JAZF1: variants seen among roughly 807,000 people sequenced by gnomAD.
JAZF1 encodes JAZF zinc finger 1, also known as juxtaposed with another zinc finger protein 1.
Under a neutral mutation model 26.4 loss-of-function variants are expected in JAZF1, and 8 were observed. The ratio of observed to expected loss-of-function variants is 0.30; its 90% CI spans 0.18 to 0.55. The LOEUF (loss-of-function observed/expected upper bound fraction) is 0.55. JAZF1 is among the 20% of genes least tolerant of loss of function. JAZF1 has a pLI of 0.94. For synonymous variants in JAZF1, 126 were observed against 122.3 expected (o/e 1.03, Z -0.20); for missense variants, 199 against 322.0 (o/e 0.62, Z 2.92).
At chr7:27,883,204 G>A (rs990019368) in intron 3 of JAZF1, among the ~76,000 whole-genome samples, 2 of 152,306 alleles carry the variant, frequency 1.3e-5, no homozygotes, top group East Asian at 1.9e-4. Context: ...ACTTTACCTT[G>A]TGATCTTTTT....
chr7:28,036,810 A>G (rs1783302092), intron 1 of JAZF1, among the ~76,000 whole-genome samples: 1 of 152,200 alleles, frequency 6.6e-6, no homozygotes, highest in Admixed American at 6.5e-5. Context: ...TGGAGAAGGT[A>G]GGAAAGTATG....
chr7:28,073,233 G>C (rs2127911506), intron 1 of JAZF1, among the ~76,000 whole-genome samples: 1 of 152,314 alleles, frequency 6.6e-6, no homozygotes, highest in South Asian at 2.1e-4. Context: ...AGTTAGCAGA[G>C]CTCGTTGTGC....
chr7:27,834,223 T>TTG (rs1307616989), intron 4 of JAZF1, among the ~76,000 whole-genome samples: 1 of 152,166 alleles, frequency 6.6e-6, no homozygotes, highest in East Asian at 1.9e-4. Context: ...TGCTAAGTCT[T>TTG]TGTGAGTGAA....
rs796205065 is a variant in JAZF1, at chr7:28,158,145, G to GCA, written c.115+22317_115+22318insTG. On this transcript the variant is annotated intron_variant, in intron 1 of 4. Transcript: ENST00000283928. ...AGAAAGGAGACCACATTGAAAACAC[G>GCA]CGCGCACACACACACACACACAAAC... is the stretch of plus-strand genomic sequence containing the variant. 3.3e-4 allele frequency among the ~76,000 whole-genome samples: 46 copies of GCA among 137,488 alleles called. 1 individual carries two copies. The highest frequency in any genetic ancestry group is 1.2e-3 in the African/African-American group (45 of 38,004). The allele number at this position is 137,488 out of a possible 152,430, so 90.2% of individuals were successfully genotyped here.
intron 1 of JAZF1, among the ~76,000 whole-genome samples, chr7:28,036,546 G>A (rs557155242): frequency 5.1e-4 from 77 of 152,322 alleles, no homozygotes; most frequent in African/African-American, 1.8e-3. Context: ...TGGACACAGA[G>A]CATCTTGAAA....
At chr7:27,951,762 C>A (rs1175208632) in intron 2 of JAZF1, among the ~76,000 whole-genome samples, 1 of 152,198 alleles carries the variant, frequency 6.6e-6, no homozygotes, top group African/African-American at 2.4e-5. Flanking sequence ...TCAGCCATCT[C>A]CTAGTTTTAG....
At chr7:28,061,305 A>G (rs995733957) in intron 1 of JAZF1, among the ~76,000 whole-genome samples, 1 of 152,242 alleles carries the variant, frequency 6.6e-6, no homozygotes, top group Non-Finnish European at 1.5e-5. Context: ...TCTCTCTTGT[A>G]TGATCACGTT....
intron 2 of JAZF1, among the ~76,000 whole-genome samples, chr7:27,911,620 A>G (rs1282368874): frequency 1.3e-5 from 2 of 152,206 alleles, no homozygotes; most frequent in Non-Finnish European, 2.9e-5. Flanking sequence ...TTGAATAGAA[A>G]CATAAAATTT....
intron 1 of JAZF1, among the ~76,000 whole-genome samples, chr7:28,112,230 A>G (rs972373928): frequency 2.0e-5 from 3 of 152,232 alleles, no homozygotes; most frequent in African/African-American, 7.2e-5. Flanking sequence ...AAAGAAACCA[A>G]AAGTTAGTGG....
At chr7:27,977,693 C>T (rs1366236019) in intron 2 of JAZF1, among the ~76,000 whole-genome samples, 1 of 152,192 alleles carries the variant, frequency 6.6e-6, no homozygotes, top group African/African-American at 2.4e-5. Flanking sequence ...ACAGATCCCT[C>T]ATCTTCACTT....
intron 2 of JAZF1, among the ~76,000 whole-genome samples, chr7:27,904,796 A>AT (rs555755417): frequency 1.9e-3 from 282 of 152,304 alleles, no homozygotes; most frequent in Non-Finnish European, 3.3e-3. Context: ...TGTAAGAGGT[A>AT]TTTTTTGTGA....
intron 3 of JAZF1, among the ~76,000 whole-genome samples, chr7:27,888,892 G>C (rs1783918120): frequency 1.3e-5 from 2 of 152,082 alleles, no homozygotes; most frequent in South Asian, 4.2e-4. Context: ...GTAACTATGC[G>C]ATGCTATTAG....
At chr7:27,893,155 G>C (rs1396880016) in intron 3 of JAZF1, among the ~76,000 whole-genome samples, 1 of 152,146 alleles carries the variant, frequency 6.6e-6, no homozygotes, top group Non-Finnish European at 1.5e-5. Context: ...GACTAACAGT[G>C]CATATTAAAG....
At chr7:27,942,172 T>C (rs989467692) in intron 2 of JAZF1, among the ~76,000 whole-genome samples, 1 of 152,256 alleles carries the variant, frequency 6.6e-6, no homozygotes, top group Non-Finnish European at 1.5e-5. Context: ...CCTTTCCTAA[T>C]GATCAAGATA....
chr7:28,032,090 C>T (rs925861313), intron 1 of JAZF1, among the ~76,000 whole-genome samples: 4 of 152,150 alleles, frequency 2.6e-5, no homozygotes, highest in African/African-American at 9.7e-5. Flanking sequence ...TCTTCCTAAG[C>T]TTCACAACAA....
At chr7:28,000,961 T>C (rs1219235608) in intron 1 of JAZF1, among the ~76,000 whole-genome samples, 2 of 152,140 alleles carry the variant, frequency 1.3e-5, no homozygotes, top group Non-Finnish European at 2.9e-5. Flanking sequence ...TGAATTCATT[T>C]AAAAAAGACA....
chr7:28,011,741 T>C (rs1782803336), intron 1 of JAZF1, among the ~76,000 whole-genome samples: 1 of 152,110 alleles, frequency 6.6e-6, no homozygotes, highest in Admixed American at 6.5e-5. Flanking sequence ...CCAAAGAGCA[T>C]GGGCCCTCAT....
chr7:28,022,593 AC>A (rs1269330385), intron 1 of JAZF1, among the ~76,000 whole-genome samples: 1 of 152,228 alleles, frequency 6.6e-6, no homozygotes, highest in Non-Finnish European at 1.5e-5. Context: ...AAAACAAGTT[AC>A]CCATAATCAA....
chr7:27,838,785 C>T (rs1194857275), intron 4 of JAZF1, among the ~76,000 whole-genome samples: 2 of 152,204 alleles, frequency 1.3e-5, no homozygotes, highest in African/African-American at 4.8e-5. Context: ...TGGTCACAAG[C>T]CTGCTATGGC....
Sources: allele counts gnomAD v4.1 joint callset (sites outside exome capture counted in the v4.1 genomes callset), GRCh38; gene constraint gnomAD v4.1.1; transcripts MANE v1.5; gene names NCBI Gene and HGNC (gene_info 2026-07-23, HGNC 2026-07-21).